NEK7: variants seen among roughly 807,000 people sequenced by gnomAD.
NEK7 encodes NIMA related kinase 7.
NEK7 carries 18 observed loss-of-function variants against 44.6 expected under a neutral mutation model. The observed-to-expected ratio is 0.40, with a 90% CI of 0.28 to 0.60. The LOEUF (loss-of-function observed/expected upper bound fraction) is 0.60, where lower values mean the gene tolerates loss of function less well. NEK7 is among the 20% of genes least tolerant of loss of function. The probability of loss-of-function intolerance (pLI) is 0.38; values close to 1 mark genes in which losing one functional copy is unlikely to be tolerated. For missense variants in NEK7, 256 were observed against 366.5 expected (o/e 0.70, Z 2.46); for synonymous variants, 130 against 121.1 (o/e 1.07, Z -0.48).
rs184541139 is a variant in NEK7, at chr1:198,255,854, A to T, written c.198+2674A>T. ...GCCTTAAACCTTTGTAAGGAGAAAT[A>T]TATTTGCATTTTAGACATATTGATT... On this transcript the variant is annotated intron_variant, in intron 3 of 9. Transcript: ENST00000367385. 1.6e-3 allele frequency among the ~76,000 whole-genome samples: 250 copies of T among 152,286 alleles called. 1 individual carries two copies. Among genetic ancestry groups the T allele is most frequent in the African/African-American group, 5.6e-3 (233 of 41,568 alleles).
At chr1:198,265,549 G>A (rs114260212) in intron 5 of NEK7, among the ~76,000 whole-genome samples, 3,768 of 152,148 alleles carry the variant, frequency 0.025, 72 homozygotes, top group African/African-American at 0.047. Flanking sequence ...GAAACAGGAC[G>A]TCCTTGTGAT....
At chr1:198,309,689 C>T (rs1458989902) in intron 9 of NEK7, among the ~76,000 whole-genome samples, 7 of 146,476 alleles carry the variant, frequency 4.8e-5, no homozygotes, top group Non-Finnish European at 7.5e-5. Context: ...TGAGAATATG[C>T]GGTGTTTGGT....
chr1:198,190,965 T>C lies in NEK7; in HGVS notation c.-29+33689T>C, dbSNP rs1442361732. Among the ~76,000 whole-genome samples, 3 of 152,122 alleles carry C rather than the reference T, an allele frequency of 2.0e-5. No homozygotes were observed. In the East Asian group the frequency reaches 5.8e-4, roughly 29 times the overall value. ...GTGCATTTGCTTTTATTTCATACTT[T>C]GATGTATTCATATCATTTATAGATT... is the stretch of plus-strand genomic sequence containing the variant. On this transcript the variant is annotated intron_variant, in intron 1 of 9. Coordinates refer to ENST00000367385, the MANE Select transcript of NEK7 (RefSeq NM_133494.3).
At chr1:198,210,535 A>T (rs1405255277) in intron 1 of NEK7, among the ~76,000 whole-genome samples, 2 of 151,984 alleles carry the variant, frequency 1.3e-5, no homozygotes, top group African/African-American at 4.8e-5. Flanking sequence ...CTTATATGTA[A>T]TCCCAAATTT....
chr1:198,274,993 G>A (rs577685540), intron 5 of NEK7, among the ~76,000 whole-genome samples: 1 of 151,608 alleles, frequency 6.6e-6, no homozygotes, highest in African/African-American at 2.4e-5. Flanking sequence ...TGAAATGATG[G>A]TAATCTTCTT....
intron 9 of NEK7, among the ~76,000 whole-genome samples, chr1:198,315,297 C>A (rs144956213): frequency 6.6e-6 from 1 of 152,124 alleles, no homozygotes; most frequent in Non-Finnish European, 1.5e-5. Flanking sequence ...CTTCGGCTCG[C>A]GCATGGTGCG....
intron 9 of NEK7, among the ~76,000 whole-genome samples, chr1:198,299,150 T>C (rs983886247): frequency 1.3e-5 from 2 of 152,252 alleles, no homozygotes; most frequent in African/African-American, 4.8e-5. Context: ...TAAAATGTGT[T>C]GTCATTCCCT....
intron 2 of NEK7, 97 bp from the exon 3 acceptor site, chr1:198,252,943 C>A: frequency 3.0e-6 from 3 of 995,090 alleles, no homozygotes; most frequent in South Asian, 1.6e-5. Context: ...TGCAAACTTA[C>A]CCTATGTGTC....
chr1:198,247,578 T>C (rs1419807312), intron 2 of NEK7, among the ~76,000 whole-genome samples: 2 of 152,210 alleles, frequency 1.3e-5, no homozygotes, highest in African/African-American at 2.4e-5. Context: ...CCTATACTTA[T>C]GAAATGAATT....
chr1:198,190,473 T>C (rs1665042567), intron 1 of NEK7, among the ~76,000 whole-genome samples: 3 of 152,098 alleles, frequency 2.0e-5, no homozygotes, highest in Admixed American at 2.0e-4. Context: ...TATACTGTTT[T>C]ATGGACTTCT....
chr1:198,287,388 T>C lies in NEK7; in HGVS notation c.590-5557T>C, dbSNP rs547043383. On this transcript the variant is annotated intron_variant, in intron 7 of 9. Transcript: ENST00000367385. ...CAGCCTGGGCAACAGAGCAAGACTC[T>C]GTCTCAATACAAAAACAAAAACAAA... 3.3e-5 allele frequency among the ~76,000 whole-genome samples: 5 copies of C among 152,154 alleles called. No homozygotes were observed. In the South Asian group the frequency reaches 1.0e-3, roughly 32 times the overall value.
chr1:198,312,791 GTGGTC>G (rs1171694565), intron 9 of NEK7, among the ~76,000 whole-genome samples: 2 of 151,742 alleles, frequency 1.3e-5, no homozygotes, highest in Non-Finnish European at 2.9e-5. Context: ...TGATTGCACT[GTGGTC>G]TGAGAGATAG....
intron 1 of NEK7, among the ~76,000 whole-genome samples, chr1:198,228,567 T>C (rs1666295063): frequency 6.6e-6 from 1 of 152,184 alleles, no homozygotes; most frequent in South Asian, 2.1e-4. Context: ...GTAGTTCTCC[T>C]TGAAGAGGTC....
Position 198,197,728 on chromosome 1 carries a change from G to A in NEK7, c.-28-34825G>A, listed in dbSNP as rs561496927. On this transcript the variant is annotated intron_variant, in intron 1 of 9. Transcript: ENST00000367385. ...TGGTACAATATGGCATCTGAAGTTCGATGGGAGAACAGAACTGGTGAGACT... is the reference window on the plus strand; with the variant it reads ...TGGTACAATATGGCATCTGAAGTTCAATGGGAGAACAGAACTGGTGAGACT... 1.1e-5 allele frequency: 6 copies of A among 566,014 alleles called. No individual in the cohort carries two copies. In the East Asian group the frequency reaches 1.2e-4, roughly 11 times the overall value. 35.1% of individuals were successfully genotyped at this position (566,014 alleles called of 1,614,324 possible).
chr1:198,180,334 T>G (rs1664730892), intron 1 of NEK7, among the ~76,000 whole-genome samples: 1 of 152,104 alleles, frequency 6.6e-6, no homozygotes, highest in African/African-American at 2.4e-5. Flanking sequence ...TTATTCCTTA[T>G]TCTAAAGTAA....
intron 9 of NEK7, among the ~76,000 whole-genome samples, chr1:198,317,882 T>TGTTTG (rs57928757): frequency 7.5e-6 from 1 of 133,920 alleles, no homozygotes; most frequent in Non-Finnish European, 1.6e-5. Flanking sequence ...TATTTATTTT[T>TGTTTG]TTTTTTTTTT....
At position 198,219,934 on chromosome 1, in the gene NEK7, C is replaced by T. The variant is rs1009345696; in HGVS notation, c.-28-12619C>T. Among the ~76,000 whole-genome samples, 4 of 83,972 alleles carry T rather than the reference C, an allele frequency of 4.8e-5. No individual in the cohort carries two copies. In the East Asian group the frequency reaches 1.8e-3, roughly 38 times the overall value. 55.1% of individuals were successfully genotyped at this position (83,972 alleles called of 152,430 possible). ...GTAATTAATATGTGCTTTTTTGGGG[C>T]GGGGGGTGGGGTGGGAAATACTATG... On this transcript the variant is annotated intron_variant, in intron 1 of 9. Coordinates refer to ENST00000367385, the MANE Select transcript of NEK7 (RefSeq NM_133494.3).
At chr1:198,218,152 T>G (rs984142363) in intron 1 of NEK7, among the ~76,000 whole-genome samples, 3 of 151,964 alleles carry the variant, frequency 2.0e-5, no homozygotes, top group African/African-American at 7.2e-5. Flanking sequence ...AAGCATTACA[T>G]TACCTGACTT....
At chr1:198,165,422 C>T (rs1448052682) in intron 1 of NEK7, among the ~76,000 whole-genome samples, 2 of 152,180 alleles carry the variant, frequency 1.3e-5, no homozygotes, top group Non-Finnish European at 2.9e-5. Flanking sequence ...TTCCTTGATC[C>T]GTGGGCTGTA....
Sources: allele counts gnomAD v4.1 joint callset (sites outside exome capture counted in the v4.1 genomes callset), GRCh38; gene constraint gnomAD v4.1.1; transcripts MANE v1.5; gene names NCBI Gene and HGNC (gene_info 2026-07-23, HGNC 2026-07-21).